Variants in RPIA observed in about 807,000 individuals in gnomAD.
The protein encoded by RPIA is ribose 5-phosphate isomerase A.
A neutral mutation model predicts 37.8 loss-of-function variants in RPIA; 29 were observed. The observed-to-expected ratio is 0.77, with a 90% CI of 0.57 to 1.05. The LOEUF is 1.05. Ranked by LOEUF, RPIA falls within the 50% of genes least tolerant of loss-of-function variation. The pLI is 0.00. For synonymous variants in RPIA, 167 were observed against 157.0 expected (o/e 1.06, Z -0.48); for missense variants, 385 against 413.6 (o/e 0.93, Z 0.60).
At chr2:88,694,425 A>C (rs1474378255) in intron 1 of RPIA, among the ~76,000 whole-genome samples, 1 of 152,208 alleles carries the variant, frequency 6.6e-6, no homozygotes, top group Non-Finnish European at 1.5e-5. Context: ...ATGTATGGCT[A>C]AGCTTGGTAA....
At chr2:88,722,284 A>G (rs1275870186) in intron 3 of RPIA, among the ~76,000 whole-genome samples, 1 of 152,170 alleles carries the variant, frequency 6.6e-6, no homozygotes, top group African/African-American at 2.4e-5. Context: ...TTTTAAGGAC[A>G]CTTATTTTTG....
rs1676941992 is a variant in RPIA, at chr2:88,691,993, T to A, written c.285+10T>A. 1 of 1,580,564 alleles carries A rather than the reference T, an allele frequency of 6.3e-7. No individual in the cohort carries two copies. The highest frequency in any genetic ancestry group is 8.6e-7 in the Non-Finnish European group (1 of 1,165,070). On this transcript the variant is annotated intron_variant, in intron 1 of 8. Coordinates refer to ENST00000283646, the MANE Select transcript of RPIA (RefSeq NM_144563.3). ...GGAGAACCACGTGAGGGTGAGCACT[T>A]CGAAACGTGGGGCGCGGGGCGCATG...
At chr2:88,721,201 A>G (rs895934592) in intron 3 of RPIA, among the ~76,000 whole-genome samples, 4 of 151,858 alleles carry the variant, frequency 2.6e-5, no homozygotes, top group Non-Finnish European at 5.9e-5. Flanking sequence ...AACATCACAC[A>G]CTGGGGCCTG....
chr2:88,736,808 T>G, intron 7 of RPIA, 132 bp downstream of exon 7: 1 of 1,154,642 alleles, frequency 8.7e-7, no homozygotes, highest in South Asian at 1.6e-5. Flanking sequence ...TTAATTGATG[T>G]ATTTGTTTAT....
intron 3 of RPIA, among the ~76,000 whole-genome samples, chr2:88,721,508 T>C (rs1673127288): frequency 6.9e-6 from 1 of 144,864 alleles, no homozygotes; most frequent in Non-Finnish European, 1.5e-5. Flanking sequence ...TATATGTTAA[T>C]ATAAAACATA....
At chr2:88,705,962 A>G (rs1035044937) in intron 3 of RPIA, among the ~76,000 whole-genome samples, 5 of 152,230 alleles carry the variant, frequency 3.3e-5, no homozygotes, top group African/African-American at 1.2e-4. Flanking sequence ...AAAAAGCTCA[A>G]CATCACTAAT....
chr2:88,733,743 A>G (rs757124301), intron 4 of RPIA, among the ~76,000 whole-genome samples: 1 of 152,196 alleles, frequency 6.6e-6, no homozygotes, highest in African/African-American at 2.4e-5. Flanking sequence ...CCATGAATAG[A>G]ATTTGTACCC....
At chr2:88,720,376 T>C (rs1673105215) in intron 3 of RPIA, among the ~76,000 whole-genome samples, 1 of 152,088 alleles carries the variant, frequency 6.6e-6, no homozygotes, top group African/African-American at 2.4e-5. Context: ...GAATATTATG[T>C]TGGAAGAAAA....
intron 8 of RPIA, among the ~76,000 whole-genome samples, chr2:88,747,558 C>CT (rs1673454093): frequency 1.3e-5 from 2 of 152,158 alleles, no homozygotes; most frequent in Admixed American, 1.3e-4. Flanking sequence ...TGCTGGCTGC[C>CT]TTTTTTTCCC....
intron 8 of RPIA, among the ~76,000 whole-genome samples, chr2:88,744,481 G>A (rs142363919): frequency 9.5e-4 from 145 of 152,204 alleles, no homozygotes; most frequent in African/African-American, 3.2e-3. Context: ...CTTCTTAGGC[G>A]GAAAGTTCTA....
chr2:88,711,730 A>C (rs1672964141), intron 3 of RPIA, among the ~76,000 whole-genome samples: 1 of 152,270 alleles, frequency 6.6e-6, no homozygotes, highest in Non-Finnish European at 1.5e-5. Context: ...TGTCAAAGAA[A>C]TACATTTTAG....
At chr2:88,705,868 A>G (rs182528220) in intron 3 of RPIA, among the ~76,000 whole-genome samples, 1 of 152,362 alleles carries the variant, frequency 6.6e-6, no homozygotes, top group African/African-American at 2.4e-5. Flanking sequence ...TAAGAAAAAA[A>G]CAAACAGTCC....
In RPIA at chr2:88,750,279, C is replaced by A; in HGVS notation, c.*201C>A. The A allele has an allele frequency of 2.3e-6, 1 of 439,140 alleles. No individual in the cohort carries two copies. The allele number at this position is 439,140 out of a possible 1,614,324, so 27.2% of individuals were successfully genotyped here. The stretch of plus-strand genomic sequence containing the variant: ...GTCTTTTTAAAAAGAGAAATATAAA[C>A]ATATATTTTTACTATTAAAATATTC... On this transcript the variant is annotated 3_prime_UTR_variant, in exon 9 of 9. Transcript: ENST00000283646.
chr2:88,707,838 G>T lies in RPIA; in HGVS notation c.402+7774G>T, dbSNP rs1241418602. 4.6e-5 allele frequency among the ~76,000 whole-genome samples: 7 copies of T among 152,200 alleles called. No homozygotes were observed. The East Asian group carries it at 1.3e-3, about 29-fold the overall frequency. The stretch of plus-strand genomic sequence containing the variant: ...ATTTGTAAAGTGTTAAAAATTGCCA[G>T]ACCAGGCATGGAATTGGGAAGAACT... On this transcript the variant is annotated intron_variant, in intron 3 of 8. Transcript: ENST00000283646.
At chr2:88,722,678 C>T (rs553588989) in intron 3 of RPIA, among the ~76,000 whole-genome samples, 39 of 152,310 alleles carry the variant, frequency 2.6e-4, no homozygotes, top group African/African-American at 9.1e-4. Context: ...TCTCACAGTA[C>T]AAGGTGATCT....
At chr2:88,713,904 A>G (rs1163045773) in intron 3 of RPIA, among the ~76,000 whole-genome samples, 1 of 140,480 alleles carries the variant, frequency 7.1e-6, no homozygotes. Flanking sequence ...TTCTTGTTTT[A>G]TGGTTAATTT....
chr2:88,705,595 A>T (rs1227953475), intron 3 of RPIA, among the ~76,000 whole-genome samples: 1 of 152,218 alleles, frequency 6.6e-6, no homozygotes, highest in Admixed American at 6.5e-5. Flanking sequence ...AAACCCTAGA[A>T]AATGAAAAAC....
intron 8 of RPIA, among the ~76,000 whole-genome samples, chr2:88,740,638 G>A (rs943248666): frequency 6.6e-6 from 1 of 152,160 alleles, no homozygotes; most frequent in African/African-American, 2.4e-5. Context: ...AGGGCTACTG[G>A]AGTTCTTTCC....
chr2:88,714,756 T>C (rs35412785), intron 3 of RPIA, among the ~76,000 whole-genome samples: 41,938 of 152,136 alleles, frequency 0.28, 5,969 homozygotes, highest in Admixed American at 0.32. Context: ...ACACAATACC[T>C]GTGGTAGATG....
Sources: gnomAD v4.1 joint callset for allele counts (sites outside exome capture counted in the v4.1 genomes callset) on GRCh38, gnomAD v4.1.1 for gene constraint, MANE v1.5 for transcripts, NCBI Gene and HGNC (gene_info 2026-07-23, HGNC 2026-07-21) for gene names.